Variants in ATAD2B observed in about 807,000 individuals in gnomAD.
ATAD2B encodes the protein ATPase family AAA domain-containing protein 2B.
In ATAD2B, 40 loss-of-function variants were observed where a neutral mutation model predicts 167.6. The ratio of observed to expected loss-of-function variants is 0.24; its 90% CI spans 0.19 to 0.31. The LOEUF (loss-of-function observed/expected upper bound fraction) is 0.31, where lower values mean the gene tolerates loss of function less well. ATAD2B is among the 10% of genes least tolerant of loss of function. ATAD2B has a pLI of 1.00. For missense variants in ATAD2B, 1,242 were observed against 1,757.2 expected (o/e 0.71, Z 5.24); for synonymous variants, 579 against 596.5 (o/e 0.97, Z 0.43).
At chr2:23,859,899 G>T (rs922249369) in intron 12 of ATAD2B, among the ~76,000 whole-genome samples, 1 of 151,612 alleles carries the variant, frequency 6.6e-6, no homozygotes, top group African/African-American at 2.4e-5. Flanking sequence ...GCTGTGAGCC[G>T]AGATTGTGCC....
At chr2:23,784,753 A>T (rs909604748) in intron 21 of ATAD2B, among the ~76,000 whole-genome samples, 3 of 151,334 alleles carry the variant, frequency 2.0e-5, no homozygotes, top group African/African-American at 7.3e-5. Flanking sequence ...TGATAGTTTT[A>T]AAATTATTTA....
intron 6 of ATAD2B, among the ~76,000 whole-genome samples, chr2:23,881,096 A>T (rs1697812608): frequency 6.6e-6 from 1 of 152,212 alleles, no homozygotes; most frequent in African/African-American, 2.4e-5. Context: ...AGCAAACTTC[A>T]ATCAATGCTC....
intron 24 of ATAD2B, among the ~76,000 whole-genome samples, chr2:23,759,950 T>C (rs1676444630): frequency 6.6e-6 from 1 of 152,218 alleles, no homozygotes; most frequent in African/African-American, 2.4e-5. Flanking sequence ...CCTGACACCA[T>C]AACCTCTCTT....
the ATAD2B span, chr2:23,691,807 AAGAC>A: frequency 6.4e-7 from 1 of 1,551,424 alleles, no homozygotes; most frequent in Non-Finnish European, 8.7e-7. Context: ...GGCCAACGCC[AAGAC>A]ACTGCTGGAG....
In ATAD2B at chr2:23,908,207, T is replaced by C. The variant is rs1407024539; in HGVS notation, c.217-12237A>G. 2.0e-4 allele frequency among the ~76,000 whole-genome samples: 31 copies of C among 151,818 alleles called. 1 individual carries two copies. The highest frequency in any genetic ancestry group is 2.0e-3 in the Admixed American group (31 of 15,232). ...CGACCATCAGAGTGAACAGGCAACC[T>C]ACAAAATGGGAGAAAATTTTCGCAA... On this transcript the variant is annotated intron_variant, in intron 1 of 27. Transcript: ENST00000238789.
chr2:23,709,059 A>AGAT, the ATAD2B span, among the ~76,000 whole-genome samples: 1 of 150,566 alleles, frequency 6.6e-6, no homozygotes, highest in East Asian at 1.9e-4. Context: ...TTTTTTATTG[A>AGAT]GATGGAGTTT....
the ATAD2B span, among the ~76,000 whole-genome samples, chr2:23,717,617 A>G: frequency 2.6e-5 from 4 of 152,222 alleles, no homozygotes; most frequent in East Asian, 7.7e-4. Context: ...CTTCCTTCTA[A>G]AAGTTCAAGA....
intron 1 of ATAD2B, 50 bp downstream of exon 1, chr2:23,926,503 GCA>G: frequency 6.6e-7 from 1 of 1,520,930 alleles, no homozygotes; most frequent in South Asian, 1.2e-5. Flanking sequence ...CAAAGCCCCG[GCA>G]GCAGGGCCGG....
the ATAD2B span, chr2:23,693,261 G>T: frequency 6.5e-7 from 1 of 1,538,980 alleles, no homozygotes; most frequent in South Asian, 1.2e-5. Flanking sequence ...CTGCGCTGTC[G>T]CCCCCAGAGA....
chr2:23,868,161 G>A (rs1194754586), intron 9 of ATAD2B, among the ~76,000 whole-genome samples: 1 of 152,118 alleles, frequency 6.6e-6, no homozygotes, highest in South Asian at 2.1e-4. Flanking sequence ...AAACAAGATC[G>A]TTAATCTATT....
At chr2:23,821,935 C>T (rs113007527) in intron 16 of ATAD2B, among the ~76,000 whole-genome samples, 19 of 152,168 alleles carry the variant, frequency 1.2e-4, no homozygotes, top group Non-Finnish European at 2.4e-4. Context: ...ATTACACAGG[C>T]GTGAGCAACC....
At chr2:23,747,298 CAT>C (rs1237938723), downstream of ATAD2B, among the ~76,000 whole-genome samples, 1 of 150,838 alleles carries the variant, frequency 6.6e-6, no homozygotes, top group Non-Finnish European at 1.5e-5. Flanking sequence ...CAGCATACGC[CAT>C]ATATATACAT....
At chr2:23,914,470 GAGTT>G (rs1285061011) in intron 1 of ATAD2B, among the ~76,000 whole-genome samples, 2 of 152,140 alleles carry the variant, frequency 1.3e-5, no homozygotes, top group African/African-American at 4.8e-5. Flanking sequence ...TGGACATAAA[GAGTT>G]ACCCAAATAG....
chr2:23,806,447 A>G (rs559827578), intron 18 of ATAD2B, among the ~76,000 whole-genome samples: 38 of 152,314 alleles, frequency 2.5e-4, no homozygotes, highest in Admixed American at 5.9e-4. Context: ...CTACTCTTGC[A>G]CAGGCATACT....
intron 10 of ATAD2B, 40 bp from the exon 11 acceptor site, chr2:23,864,964 A>G: frequency 8.5e-7 from 1 of 1,180,104 alleles, no homozygotes; most frequent in Admixed American, 3.0e-5. Context: ...AAACAATTTT[A>G]TATGTTTTAT....
chr2:23,903,982 G>C (rs1390369237), intron 1 of ATAD2B, among the ~76,000 whole-genome samples: 2 of 152,044 alleles, frequency 1.3e-5, no homozygotes, highest in Non-Finnish European at 2.9e-5. Context: ...GTGGTGTGGG[G>C]AGCCAGGGAA....
chr2:23,819,788 T>G lies in ATAD2B; in HGVS notation c.2226A>C (p.Ser742=). 2 of 1,611,004 alleles carry G rather than the reference T, an allele frequency of 1.2e-6. No homozygotes were observed. The highest frequency in any genetic ancestry group is 1.7e-5 in the Admixed American group (1 of 59,966). The part of the protein sequence containing the change: ...NCHSGSPKKQ[S]SSAAIHKPYL... ...AGGGTTTATGTATAGCAGCAGATGA[T>G]GACTGTTTCTTTGGTGATCCTGAGT... The change falls in exon 17 of 28, where the codon TCA becomes TCC. Residue 742 remains serine, a synonymous_variant. Coordinates refer to ENST00000238789, the MANE Select transcript of ATAD2B (RefSeq NM_017552.4).
At chr2:23,684,372 G>A in the ATAD2B span, 1 of 1,396,334 alleles carries the variant, frequency 7.2e-7, no homozygotes, top group Non-Finnish European at 9.4e-7. This position sits in a 1 kb window ranked among gnomAD's most constrained non-coding sequence, Gnocchi z 4.4. Context: ...TGGGAACCTG[G>A]CCCTGTCTGT....
At chr2:23,880,580 G>T in intron 7 of ATAD2B, 59 bp downstream of exon 7, 5 of 929,206 alleles carry the variant, frequency 5.4e-6, no homozygotes, top group Non-Finnish European at 6.6e-6. Context: ...AAAAAAAGCA[G>T]TGGGGCAGAA....
Sources: allele counts gnomAD v4.1 joint callset (sites outside exome capture counted in the v4.1 genomes callset), GRCh38; gene constraint gnomAD v4.1.1; non-coding constraint Gnocchi (gnomAD v3.1); transcripts MANE v1.5; gene names NCBI Gene and HGNC (gene_info 2026-07-23, HGNC 2026-07-21).